The following REV3L variants were observed in gnomAD, a reference collection of about 807,000 sequenced individuals.
REV3L encodes the protein REV3 like, DNA directed polymerase zeta catalytic subunit, also known as DNA polymerase zeta catalytic subunit.
REV3L carries 69 observed loss-of-function variants against 299.4 expected under a neutral mutation model. The ratio of observed to expected loss-of-function variants is 0.23; its 90% CI spans 0.19 to 0.28. The LOEUF (loss-of-function observed/expected upper bound fraction) is 0.28. REV3L is among the 10% of genes least tolerant of loss of function. The pLI is 1.00. For missense variants in REV3L, 3,128 were observed against 3,693.8 expected (o/e 0.85, Z 3.97); for synonymous variants, 1,238 against 1,271.4 (o/e 0.97, Z 0.56).
chr6:111,474,831 C>T (rs1160701675), intron 1 of REV3L, among the ~76,000 whole-genome samples: 1 of 152,022 alleles, frequency 6.6e-6, no homozygotes, highest in Non-Finnish European at 1.5e-5. Context: ...ATTACATGCA[C>T]ATGATTTTAA....
intron 4 of REV3L, among the ~76,000 whole-genome samples, chr6:111,394,324 C>T (rs758378319): frequency 1.7e-4 from 26 of 152,232 alleles, no homozygotes; most frequent in Non-Finnish European, 3.5e-4. Flanking sequence ...TCCGTAACAG[C>T]CATTCTAACT....
chr6:111,333,096 T>A, intron 23 of REV3L, 27 bp downstream of exon 23: 2 of 1,609,754 alleles, frequency 1.2e-6, no homozygotes, highest in Non-Finnish European at 1.7e-6. Context: ...CACAACAATA[T>A]TATTGTAAAT....
intron 4 of REV3L, among the ~76,000 whole-genome samples, chr6:111,405,259 T>C (rs1201974610): frequency 6.6e-6 from 1 of 152,282 alleles, no homozygotes; most frequent in Non-Finnish European, 1.5e-5. Flanking sequence ...ATATAAATTA[T>C]AACTCAATAA....
intron 25 of REV3L, among the ~76,000 whole-genome samples, chr6:111,324,104 A>G (rs538868182): frequency 3.3e-5 from 5 of 152,120 alleles, no homozygotes; most frequent in Admixed American, 6.5e-5. Flanking sequence ...GGTTCAAGCA[A>G]TTCTCGTGCT....
intron 1 of REV3L, among the ~76,000 whole-genome samples, chr6:111,447,314 A>G (rs1788978441): frequency 6.6e-6 from 1 of 152,172 alleles, no homozygotes; most frequent in Non-Finnish European, 1.5e-5. Context: ...CCAACTTTCA[A>G]ATGCTTGCTA....
intron 16 of REV3L, among the ~76,000 whole-genome samples, chr6:111,359,512 T>C (rs1341872828): frequency 7.8e-6 from 1 of 128,648 alleles, no homozygotes; most frequent in Non-Finnish European, 1.6e-5. Context: ...TTAATTATAG[T>C]TTTTCCTGAA....
chr6:111,377,945 T>A, intron 11 of REV3L, 102 bp from the exon 12 acceptor site: 1 of 892,050 alleles, frequency 1.1e-6, no homozygotes, highest in Non-Finnish European at 1.6e-6. Flanking sequence ...GTATCTAAGT[T>A]AACTATAATA....
At chr6:111,312,025 CGATCTCCT>C (rs1425803514) in intron 28 of REV3L, 2 of 152,014 alleles carry the variant, frequency 1.3e-5, no homozygotes, top group Non-Finnish European at 2.9e-5. Context: ...AGGATGGTCT[CGATCTCCT>C]GACCTCATGA....
At chr6:111,377,988 C>CA (rs1311024579) in intron 11 of REV3L, 145 bp from the exon 12 acceptor site, 1 of 616,270 alleles carries the variant, frequency 1.6e-6, no homozygotes, top group Non-Finnish European at 2.5e-6. Flanking sequence ...TAAAACAATA[C>CA]AAAAAATCTG....
intron 1 of REV3L, among the ~76,000 whole-genome samples, chr6:111,477,701 A>G (rs895738089): frequency 1.3e-5 from 2 of 152,206 alleles, no homozygotes; most frequent in African/African-American, 2.4e-5. Context: ...GCCACCATAT[A>G]AGACACAGAG....
chr6:111,349,172 G>A (rs1447586843), intron 20 of REV3L, 46 bp downstream of exon 20: 6 of 957,496 alleles, frequency 6.3e-6, no homozygotes, highest in African/African-American at 1.6e-5. Context: ...TCATTATATT[G>A]ACCGAATATC....
chr6:111,397,073 T>C (rs1378776249), intron 4 of REV3L, among the ~76,000 whole-genome samples: 2 of 151,900 alleles, frequency 1.3e-5, no homozygotes, highest in Admixed American at 6.6e-5. Flanking sequence ...CAGTTTTTCA[T>C]TTCTCTGATC....
intron 2 of REV3L, among the ~76,000 whole-genome samples, chr6:111,414,882 A>G (rs540440617): frequency 6.6e-5 from 10 of 152,126 alleles, no homozygotes; most frequent in Non-Finnish European, 1.3e-4. Flanking sequence ...CCCTAGTTCA[A>G]GCCACACTAT....
intron 17 of REV3L, among the ~76,000 whole-genome samples, chr6:111,358,566 A>T (rs1778330328): frequency 6.6e-6 from 1 of 152,174 alleles, no homozygotes; most frequent in East Asian, 1.9e-4. Context: ...GGGCTCGAGC[A>T]ATCCTGTTGC....
rs1771245979 is a variant in REV3L at position 111,299,547 on chromosome 6, A to ATTAT, written c.*465_*468dup. 6.5e-6 allele frequency: 1 copy of ATTAT among 152,788 alleles called. No individual in the cohort carries two copies. Among genetic ancestry groups the ATTAT allele is most frequent in the Non-Finnish European group, 1.5e-5 (1 of 68,126 alleles). 9.5% of individuals were successfully genotyped at this position (152,788 alleles called of 1,614,324 possible). On this transcript the variant is annotated 3_prime_UTR_variant, in exon 32 of 32. Coordinates refer to ENST00000368802, the MANE Select transcript of REV3L (RefSeq NM_001372078.1). ...ATCATTTGTATAAAAATCATTGCAC[A>ATTAT]TTATTTTGCTCGTTTGAAAAGTAAA... is the stretch of plus-strand genomic sequence containing the variant.
At chr6:111,439,498 T>C (rs1787983942) in intron 1 of REV3L, among the ~76,000 whole-genome samples, 1 of 152,214 alleles carries the variant, frequency 6.6e-6, no homozygotes, top group South Asian at 2.1e-4. Flanking sequence ...GAACTCAACA[T>C]AGAGCATTCT....
At position 111,373,490 on chromosome 6, in the gene REV3L, A is replaced by G. The variant is rs547197380; in HGVS notation, c.4865T>C (p.Ile1622Thr). The G allele has an allele frequency of 1.9e-6, 3 of 1,613,452 alleles. No homozygotes were observed. In the East Asian group the frequency reaches 6.7e-5, roughly 36 times the overall value. Residue 1622 changes from isoleucine (I) to threonine (T), a missense_variant, in exon 13 of 32, where the codon ATC becomes ACC. By Grantham distance (89) the Ile-to-Thr change is moderately conservative. Transcript: ENST00000368802. Reference sequence around the variant, plus strand: ...TTCAAAGCCTGGATCTGAAAAAAAGATGGGACTATCATCTGATACAGAGTT... The same window carrying G: ...TTCAAAGCCTGGATCTGAAAAAAAGGTGGGACTATCATCTGATACAGAGTT... Reference protein sequence around the residue: ...LDNSVSDDSPIFFSDPGFESC... With the variant: ...LDNSVSDDSPTFFSDPGFESC...
At chr6:111,385,013 T>C (rs970645753) in intron 9 of REV3L, among the ~76,000 whole-genome samples, 2 of 152,090 alleles carry the variant, frequency 1.3e-5, no homozygotes, top group Non-Finnish European at 2.9e-5. Flanking sequence ...AGACAAACTT[T>C]GCATGTTCTC....
chr6:111,309,745 C>G, intron 30 of REV3L, 108 bp downstream of exon 30: 1 of 1,277,766 alleles, frequency 7.8e-7, no homozygotes, highest in Non-Finnish European at 1.1e-6. Context: ...CACACTCTTC[C>G]CTTCCCAGCA....
Sources: allele counts gnomAD v4.1 joint callset (sites outside exome capture counted in the v4.1 genomes callset), GRCh38; gene constraint gnomAD v4.1.1; transcripts MANE v1.5; gene names NCBI Gene and HGNC (gene_info 2026-07-23, HGNC 2026-07-21).